PTPN13: variants seen among roughly 807,000 people sequenced by gnomAD.
The protein encoded by PTPN13 is tyrosine-protein phosphatase non-receptor type 13.
In PTPN13, 191 loss-of-function variants were observed where a neutral mutation model predicts 284.0. The observed-to-expected ratio is 0.67, with a 90% confidence interval of 0.60 to 0.76. PTPN13 has a LOEUF of 0.76. Among genes scored for constraint, PTPN13 ranks in the 30% least tolerant of loss-of-function variants. PTPN13 has a pLI of 0.00. For missense variants in PTPN13, 2,797 were observed against 2,939.9 expected, an observed-to-expected ratio of 0.95 and a Z score of 1.12; for synonymous variants, 986 against 1,022.3, an observed-to-expected ratio of 0.96 and a Z score of 0.68.
chr4:86,800,355 T>A (rs1743874226), intron 42 of PTPN13, among the ~76,000 whole-genome samples: 1 of 151,276 alleles, frequency 6.6e-6, no homozygotes, highest in Non-Finnish European at 1.5e-5. Context: ...TTTTTTTTTT[T>A]AAGAAATTAA....
chr4:86,597,776 C>T (rs1195733177), intron 1 of PTPN13, among the ~76,000 whole-genome samples: 1 of 152,136 alleles, frequency 6.6e-6, no homozygotes, highest in African/African-American at 2.4e-5. Context: ...GAGAAGAATT[C>T]CTAAATAATC....
chr4:86,801,558 A>G (rs1288175490), intron 42 of PTPN13, among the ~76,000 whole-genome samples: 1 of 152,214 alleles, frequency 6.6e-6, no homozygotes, highest in Admixed American at 6.5e-5. Flanking sequence ...GAACCTAAGA[A>G]GCACTGAGAA....
rs534735821 is a variant in PTPN13 at position 86,788,797 on chromosome 4, G to A, written c.6345+2861G>A. ...TTTCTGTCCTAAATTTGCTTGTCCA[G>A]TCTAGTAGTCAGCTTGAGGGAAGTA... On this transcript the variant is annotated intron_variant, in intron 40 of 47. Coordinates refer to ENST00000411767, the MANE Select transcript of PTPN13 (RefSeq NM_080683.3). Among the ~76,000 whole-genome samples, 4 of 152,308 alleles carry A rather than the reference G, an allele frequency of 2.6e-5. No individual in the cohort carries two copies. The South Asian group carries it at 8.3e-4, about 32-fold the overall frequency.
rs1010589914 is a variant in PTPN13, at chr4:86,759,074, G to A, written c.3553+1G>A. 1 of 1,611,916 alleles carries A rather than the reference G, an allele frequency of 6.2e-7. No individual in the cohort carries two copies. The highest frequency in any genetic ancestry group is 1.1e-5 in the South Asian group (1 of 90,668). On this transcript the variant is annotated splice_donor_variant, in intron 23 of 47. Transcript: ENST00000411767. LOFTEE classifies it high-confidence loss of function. The stretch of plus-strand genomic sequence containing the variant: ...CAGCCAAAAGAAAAGATATCCAAAG[G>A]TAATGTGAATGTCTCTTACTTATGT...
chr4:86,644,387 G>T (rs370610535), intron 2 of PTPN13, among the ~76,000 whole-genome samples: 1 of 152,068 alleles, frequency 6.6e-6, no homozygotes, highest in African/African-American at 2.4e-5. Context: ...CGACCCGCTC[G>T]CATCAGCCTC....
chr4:86,692,590 G>A (rs1226461508), intron 5 of PTPN13, among the ~76,000 whole-genome samples: 2 of 151,900 alleles, frequency 1.3e-5, no homozygotes, highest in Admixed American at 6.6e-5. Flanking sequence ...CCTCTATTTG[G>A]CCACCTGAAT....
At chr4:86,674,743 T>C (rs1353258912) in intron 3 of PTPN13, among the ~76,000 whole-genome samples, 1 of 152,198 alleles carries the variant, frequency 6.6e-6, no homozygotes, top group Non-Finnish European at 1.5e-5. Flanking sequence ...TTTTTGTATG[T>C]TACGGAGTAG....
intron 40 of PTPN13, among the ~76,000 whole-genome samples, chr4:86,792,771 T>A (rs956809855): frequency 4.6e-5 from 7 of 152,138 alleles, no homozygotes; most frequent in African/African-American, 1.4e-4. Context: ...GCTTCATAAG[T>A]GAAGGAGAAA....
chr4:86,600,852 A>C (rs1322237060), intron 1 of PTPN13, among the ~76,000 whole-genome samples: 1 of 152,094 alleles, frequency 6.6e-6, no homozygotes, highest in Non-Finnish European at 1.5e-5. Flanking sequence ...CTTCTGGAAC[A>C]TATAATGTAA....
intron 2 of PTPN13, among the ~76,000 whole-genome samples, chr4:86,650,417 T>C (rs1724957234): frequency 6.6e-6 from 1 of 152,190 alleles, no homozygotes; most frequent in Non-Finnish European, 1.5e-5. Context: ...GCTCAAGTGA[T>C]CCTCCCACCT....
Position 86,701,573 on chromosome 4 carries a change from C to T in PTPN13, c.967C>T (p.Arg323Cys), listed in dbSNP as rs545011419. The T allele has an allele frequency of 3.7e-6, 6 of 1,613,774 alleles. No individual in the cohort carries two copies. Among genetic ancestry groups the T allele is most frequent in the South Asian group, 2.2e-5 (2 of 91,060 alleles). ...TTCAGGAGAGACTGCCACATATCGT[C>T]GTTGTCACCCTGAGGCAGTAACAGT... ...FSSGETATYR[R>C]CHPEAVTVRT... Residue 323 changes from arginine to cysteine, a missense_variant, in exon 7 of 48, where the codon CGT becomes TGT. Arg to Cys is a radical substitution (Grantham distance 180). Transcript: ENST00000411767.
In PTPN13 at chr4:86,751,923, A is replaced by ATGTGTG. The variant is rs3035339; in HGVS notation, c.3166+816_3166+821dup. 8.9e-4 allele frequency among the ~76,000 whole-genome samples: 133 copies of ATGTGTG among 149,168 alleles called. No individual in the cohort carries two copies. The Middle Eastern group carries it at 0.01, about 12-fold the overall frequency. Reference sequence around the variant, plus strand: ...ATATTATTTAAGTGAAATTGTATGTATGTGTGTGTGTGTGTGTGTGTGCAT... The same window carrying ATGTGTG: ...ATATTATTTAAGTGAAATTGTATGTATGTGTGTGTGTGTGTGTGTGTGTGTGTGCAT... On this transcript the variant is annotated intron_variant, in intron 19 of 47. Coordinates refer to ENST00000411767, the MANE Select transcript of PTPN13 (RefSeq NM_080683.3).
In PTPN13 at chr4:86,647,046, GGTT is replaced by G. The variant is rs534387675; in HGVS notation, c.115+11679_115+11681del. 1.9e-3 allele frequency among the ~76,000 whole-genome samples: 289 copies of G among 152,258 alleles called. 1 individual carries two copies. Among genetic ancestry groups the G allele is most frequent in the African/African-American group, 4.7e-3 (197 of 41,558 alleles). ...GTAGTGAGTGACAAAGCAGATCAGT[GGTT>G]GTTTAGGGATGAGAGATGATGATGG... On this transcript the variant is annotated intron_variant, in intron 2 of 47. Coordinates refer to ENST00000411767, the MANE Select transcript of PTPN13 (RefSeq NM_080683.3).
At position 86,649,949 on chromosome 4, in the gene PTPN13, T is replaced by G. The variant is rs140464989; in HGVS notation, c.115+14578T>G. On this transcript the variant is annotated intron_variant, in intron 2 of 47. Transcript: ENST00000411767. ...TCCATGAACATGGAATATCTTTCCA[T>G]TTTTGTGTGTCCTCTTCAACTTATT... is the stretch of plus-strand genomic sequence containing the variant. Among the ~76,000 whole-genome samples, 1,152 of 152,294 alleles carry G rather than the reference T, an allele frequency of 7.6e-3. 52 individuals are homozygous for G. Among genetic ancestry groups the G allele is most frequent in the Admixed American group, 0.07 (1,066 of 15,294 alleles).
rs146790763 is a variant in PTPN13, at chr4:86,792,203, A to G, written c.6346-4671A>G. Among the ~76,000 whole-genome samples the G allele has an allele frequency of 3.7e-3, 564 of 152,342 alleles. 2 individuals carry two copies. Among genetic ancestry groups the G allele is most frequent in the Middle Eastern group, 0.01 (3 of 294 alleles). Reference sequence around the variant, plus strand: ...CTGAAAACCACAGCACGAGAACTTCATGACACATGCACAAGCTTCAATCGC... The same window carrying G: ...CTGAAAACCACAGCACGAGAACTTCGTGACACATGCACAAGCTTCAATCGC... On this transcript the variant is annotated intron_variant, in intron 40 of 47. Transcript: ENST00000411767.
intron 7 of PTPN13, among the ~76,000 whole-genome samples, chr4:86,713,134 T>C (rs1366418646): frequency 6.6e-6 from 1 of 152,152 alleles, no homozygotes; most frequent in African/African-American, 2.4e-5. Flanking sequence ...AACAGGTTTA[T>C]TGTGACTTCT....
At chr4:86,642,157 C>T (rs1723869295) in intron 2 of PTPN13, among the ~76,000 whole-genome samples, 3 of 152,010 alleles carry the variant, frequency 2.0e-5, no homozygotes, top group Admixed American at 2.0e-4. Flanking sequence ...AATATGGCCA[C>T]CTTTGCTTCA....
chr4:86,667,454 ATTTT>A (rs2148874543), intron 2 of PTPN13, among the ~76,000 whole-genome samples: 1 of 152,196 alleles, frequency 6.6e-6, no homozygotes, highest in South Asian at 2.1e-4. Flanking sequence ...ATACAGCTTT[ATTTT>A]GTAATCAACT....
At chr4:86,669,502 G>C (rs933986359) in intron 2 of PTPN13, among the ~76,000 whole-genome samples, 1 of 151,942 alleles carries the variant, frequency 6.6e-6, no homozygotes, top group Non-Finnish European at 1.5e-5. Flanking sequence ...AAAAAGGAGA[G>C]ATACATATAG....
Sources: gnomAD v4.1 joint callset for allele counts (sites outside exome capture counted in the v4.1 genomes callset) on GRCh38, gnomAD v4.1.1 for gene constraint, MANE v1.5 for transcripts, NCBI Gene and HGNC (gene_info 2026-07-23, HGNC 2026-07-21) for gene names.